SHROOM2: variants seen among roughly 807,000 people sequenced by gnomAD.
The protein encoded by SHROOM2 is protein Shroom2.
A neutral mutation model predicts 75.9 loss-of-function variants in SHROOM2; 33 were observed. The ratio of observed to expected loss-of-function variants is 0.43; its 90% CI spans 0.33 to 0.58. SHROOM2 has a LOEUF of 0.58. Ranked by LOEUF, SHROOM2 falls within the 20% of genes least tolerant of loss-of-function variation. The pLI is 0.04. For missense variants in SHROOM2, 1,434 were observed against 1,461.2 expected, an observed-to-expected ratio of 0.98 and a Z score of 0.30; for synonymous variants, 655 against 663.6, an observed-to-expected ratio of 0.99 and a Z score of 0.20.
At chrX:9,842,129 G>A (rs1302840787) in intron 1 of SHROOM2, among the ~76,000 whole-genome samples, 3 of 111,512 alleles carry the variant, frequency 2.7e-5, no homozygotes, top group Non-Finnish European at 5.6e-5. Context: ...TAGTCATTTG[G>A]TAACCTAATT....
At chrX:9,842,317 A>G (rs949606623) in intron 1 of SHROOM2, among the ~76,000 whole-genome samples, 1 of 112,634 alleles carries the variant, frequency 8.9e-6, no homozygotes, top group African/African-American at 3.2e-5. Context: ...AGATAATCCC[A>G]AGGTGTTGAT....
chrX:9,936,302 G>C (rs2084705372), intron 6 of SHROOM2, among the ~76,000 whole-genome samples: 1 of 109,896 alleles, frequency 9.1e-6, no homozygotes, highest in African/African-American at 3.3e-5. Context: ...AGTAGAGACA[G>C]GGTTTCTCCA....
intron 1 of SHROOM2, among the ~76,000 whole-genome samples, chrX:9,803,805 G>A (rs1410446302): frequency 9.0e-6 from 1 of 111,557 alleles, no homozygotes; most frequent in South Asian, 3.8e-4. Context: ...TCCTGTGCAT[G>A]CAGTATACTC....
chrX:9,846,196 C>T (rs945386474), intron 1 of SHROOM2, among the ~76,000 whole-genome samples: 5 of 109,477 alleles, frequency 4.6e-5, no homozygotes, highest in South Asian at 4.0e-4. Context: ...CAGGGCTCAC[C>T]GTAGCCTCAA....
Position 9,895,572 on chromosome X carries a change from C to A in SHROOM2, c.1664C>A (p.Ala555Asp). The part of the protein sequence containing the change: ...CSAGAQEPPR[A>D]SRAEKASQRL... ...GCGGGAGCCCAGGAGCCTCCCAGGGCCAGCCGTGCAGAAAAAGCCAGCCAG... is the reference window on the plus strand; with the variant it reads ...GCGGGAGCCCAGGAGCCTCCCAGGGACAGCCGTGCAGAAAAAGCCAGCCAG... Residue 555 changes from alanine (A) to aspartate (D), a missense_variant, in exon 4 of 10, where the codon GCC becomes GAC. Physicochemically the swap from Ala to Asp is moderately radical, Grantham distance 126. Coordinates refer to ENST00000380913, the MANE Select transcript of SHROOM2 (RefSeq NM_001649.4). The A allele has an allele frequency of 1.7e-6, 2 of 1,170,462 alleles. No homozygotes were observed. The highest frequency in any genetic ancestry group is 1.1e-6 in the Non-Finnish European group (1 of 876,971).
At chrX:9,927,953 G>A (rs12391844) in intron 5 of SHROOM2, among the ~76,000 whole-genome samples, 10,892 of 111,376 alleles carry the variant, frequency 0.098, 1,360 homozygotes, top group African/African-American at 0.34. Context: ...TGGCTGTCTC[G>A]TCGTGGAAGC....
rs773804413 is a variant in SHROOM2, at chrX:9,832,100, T to C, written c.166-41552T>C. ...GAACCTTAGTTAAGGTCTTCGCACC[T>C]TCTTCTTTCGTGTGTTCTCTTTGTG... On this transcript the variant is annotated intron_variant, in intron 1 of 9. Coordinates refer to ENST00000380913, the MANE Select transcript of SHROOM2 (RefSeq NM_001649.4). Among the ~76,000 whole-genome samples, 5 of 112,311 alleles carry C rather than the reference T, an allele frequency of 4.5e-5. No homozygotes were observed. In the South Asian group the frequency reaches 1.8e-3, roughly 42 times the overall value.
chrX:9,842,768 G>A (rs991126034), intron 1 of SHROOM2, among the ~76,000 whole-genome samples: 5 of 111,990 alleles, frequency 4.5e-5, no homozygotes, highest in African/African-American at 1.6e-4. Flanking sequence ...AGGCGGGAGG[G>A]CAGGAGTCCT....
intron 1 of SHROOM2, among the ~76,000 whole-genome samples, chrX:9,824,113 A>G (rs921156859): frequency 9.1e-6 from 1 of 110,324 alleles, no homozygotes; most frequent in Non-Finnish European, 1.9e-5. Context: ...TTTTCCCCCA[A>G]ATCTTTTTAG....
chrX:9,888,097 G>A (rs1468785310), intron 2 of SHROOM2, among the ~76,000 whole-genome samples: 1 of 112,987 alleles, frequency 8.9e-6, no homozygotes, highest in Non-Finnish European at 1.9e-5. Flanking sequence ...ATCTGTCCAG[G>A]GCCAAAGCTA....
intron 5 of SHROOM2, among the ~76,000 whole-genome samples, chrX:9,916,031 G>A (rs746653932): frequency 4.5e-5 from 5 of 112,060 alleles, no homozygotes; most frequent in African/African-American, 1.6e-4. Context: ...TGAGAATGAG[G>A]TTTTATACTA....
At chrX:9,837,563 GT>G (rs779425947) in intron 1 of SHROOM2, among the ~76,000 whole-genome samples, 1 of 112,529 alleles carries the variant, frequency 8.9e-6, no homozygotes, top group African/African-American at 3.2e-5. Flanking sequence ...GACCAGCCCT[GT>G]TTTGGTGGCG....
intron 1 of SHROOM2, among the ~76,000 whole-genome samples, chrX:9,830,568 A>G (rs1275483636): frequency 1.0e-5 from 1 of 98,091 alleles, no homozygotes; most frequent in Non-Finnish European, 2.0e-5. Context: ...CAGGGTCTCA[A>G]GTGAACCCCT....
At chrX:9,915,009 C>G (rs1344296612) in intron 5 of SHROOM2, among the ~76,000 whole-genome samples, 1 of 112,298 alleles carries the variant, frequency 8.9e-6, no homozygotes, top group African/African-American at 3.2e-5. Flanking sequence ...ACCCGTTAAT[C>G]AGGCAGAGAC....
intron 1 of SHROOM2, among the ~76,000 whole-genome samples, chrX:9,800,332 G>GTATTAT (rs572234520): frequency 3.8e-4 from 42 of 109,095 alleles, no homozygotes; most frequent in African/African-American, 1.2e-3. Flanking sequence ...TTTATTTTAT[G>GTATTAT]TATTATTATT....
intron 5 of SHROOM2, among the ~76,000 whole-genome samples, chrX:9,898,834 T>TC (rs1320546920): frequency 2.7e-5 from 3 of 112,081 alleles, no homozygotes; most frequent in Non-Finnish European, 3.8e-5. Context: ...AAGAGAGGCT[T>TC]CAAGCATCTG....
chrX:9,805,863 C>T (rs908750217), intron 1 of SHROOM2, among the ~76,000 whole-genome samples: 2 of 104,521 alleles, frequency 1.9e-5, no homozygotes, highest in Admixed American at 1.1e-4. Flanking sequence ...GAGATCACGC[C>T]GTTGCACTCC....
chrX:9,792,063 ATAG>A (rs1569132980), intron 1 of SHROOM2, among the ~76,000 whole-genome samples: 525 of 16,576 alleles, frequency 0.032, 37 homozygotes, highest in African/African-American at 0.049. Flanking sequence ...ATAGAATAGA[ATAG>A]AATAGAATAG....
intron 8 of SHROOM2, among the ~76,000 whole-genome samples, chrX:9,941,746 C>T (rs753433099): frequency 6.8e-4 from 74 of 109,458 alleles, no homozygotes; most frequent in East Asian, 2.3e-3. Context: ...CCGAGGTGGG[C>T]GGATCACGAG....
Sources: gnomAD v4.1 joint callset for allele counts (sites outside exome capture counted in the v4.1 genomes callset) on GRCh38, gnomAD v4.1.1 for gene constraint, MANE v1.5 for transcripts, NCBI Gene and HGNC (gene_info 2026-07-23, HGNC 2026-07-21) for gene names.